Variants in KCNQ1 observed in about 807,000 individuals in gnomAD.
KCNQ1 encodes the protein potassium voltage-gated channel subfamily KQT member 1.
In KCNQ1, 49 loss-of-function variants were observed where a neutral mutation model predicts 72.4. The observed-to-expected ratio is 0.68, with a 90% CI of 0.54 to 0.86. KCNQ1 has a LOEUF of 0.86. KCNQ1 is among the 40% of genes least tolerant of loss of function. The pLI, the probability that KCNQ1 is intolerant of heterozygous loss-of-function variation, is 0.00. For missense variants in KCNQ1, 790 were observed against 945.1 expected, an observed-to-expected ratio of 0.84 and a Z score of 2.15; for synonymous variants, 450 against 412.6, an observed-to-expected ratio of 1.09 and a Z score of -1.10.
chr11:2,450,323 G>C lies in KCNQ1; in HGVS notation c.386+4839G>C, dbSNP rs1281712454. On this transcript the variant is annotated intron_variant, in intron 1 of 15. Coordinates refer to ENST00000155840, the MANE Select transcript of KCNQ1 (RefSeq NM_000218.3). The surrounding 1 kb of genome is among the most constrained non-coding windows in gnomAD (Gnocchi z 7.9). ...AGCAGATGCCCAAGACGAGTTGCTG[G>C]TGTGTGGCCAGTGCTGGGAGAGCAT... Among the ~76,000 whole-genome samples the C allele has an allele frequency of 6.6e-6, 1 of 152,228 alleles. No individual in the cohort carries two copies. Among genetic ancestry groups the C allele is most frequent in the Admixed American group, 6.5e-5 (1 of 15,290 alleles).
intron 11 of KCNQ1, among the ~76,000 whole-genome samples, chr11:2,721,330 C>T (rs890435092): frequency 6.6e-6 from 1 of 152,214 alleles, no homozygotes; most frequent in African/African-American, 2.4e-5. Flanking sequence ...CCCCGGGCCT[C>T]TGCAGCCTTT....
rs1454568876 is a variant in KCNQ1, at chr11:2,508,110, G to A, written c.387-19818G>A. On this transcript the variant is annotated intron_variant, in intron 1 of 15. Transcript: ENST00000155840. The surrounding 1 kb of genome is among the most constrained non-coding windows in gnomAD (Gnocchi z 6.2). ...CAGAGCTGGCCTGGGCCCCAGCAGG[G>A]GTCTGTGTTGCCTTGGCCCCACGGC... 6.6e-6 allele frequency among the ~76,000 whole-genome samples: 1 copy of A among 152,124 alleles called. No homozygotes were observed. Among genetic ancestry groups the A allele is most frequent in the East Asian group, 1.9e-4 (1 of 5,162 alleles).
At chr11:2,502,067 T>A (rs981210300) in intron 1 of KCNQ1, among the ~76,000 whole-genome samples, 4 of 152,210 alleles carry the variant, frequency 2.6e-5, no homozygotes, top group African/African-American at 7.2e-5. Flanking sequence ...AAGCCATATA[T>A]GACAGACCCA....
intron 11 of KCNQ1, chr11:2,699,983 G>A (rs183841991): frequency 2.3e-5 from 9 of 398,180 alleles, no homozygotes; most frequent in South Asian, 1.3e-4. Context: ...GAGGCGACGC[G>A]GCGACCGTTC....
intron 15 of KCNQ1, among the ~76,000 whole-genome samples, chr11:2,834,559 G>A (rs569506921): frequency 6.6e-6 from 1 of 152,290 alleles, no homozygotes; most frequent in South Asian, 2.1e-4. Context: ...ACCAGAGCTG[G>A]GCCCACCTGT....
chr11:2,648,677 G>A (rs1167690222), intron 10 of KCNQ1: 12 of 398,320 alleles, frequency 3.0e-5, no homozygotes, highest in South Asian at 1.3e-4. Context: ...ATTGAGACCC[G>A]TTTTGTGTCC....
intron 1 of KCNQ1, among the ~76,000 whole-genome samples, chr11:2,524,991 C>T (rs1564806382): frequency 6.6e-6 from 1 of 152,158 alleles, no homozygotes; most frequent in Admixed American, 6.5e-5. Context: ...CTGCTCACTG[C>T]AAATCAAAAC....
chr11:2,753,631 G>A (rs1846258617), intron 11 of KCNQ1, among the ~76,000 whole-genome samples: 1 of 152,126 alleles, frequency 6.6e-6, no homozygotes, highest in African/African-American at 2.4e-5. Context: ...GCAACTTCAC[G>A]ACTCTCTAAC....
Position 2,462,076 on chromosome 11 carries a change from A to G in KCNQ1, c.386+16592A>G, listed in dbSNP as rs1262143539. The G allele has an allele frequency of 1.0e-5, 3 of 294,252 alleles. No individual in the cohort carries two copies. Among genetic ancestry groups the G allele is most frequent in the Non-Finnish European group, 2.0e-5 (3 of 146,762 alleles). 18.2% of individuals were successfully genotyped at this position (294,252 alleles called of 1,614,324 possible). On this transcript the variant is annotated intron_variant, in intron 1 of 15. Transcript: ENST00000155840. This position sits in a 1 kb window ranked among gnomAD's most constrained non-coding sequence, Gnocchi z 8.2. Reference sequence around the variant, plus strand: ...CTGTCCAGAGATGAGACCCAGCCCCACTGTGTCTTTCTGGGATTCACAAGA... The same window carrying G: ...CTGTCCAGAGATGAGACCCAGCCCCGCTGTGTCTTTCTGGGATTCACAAGA...
rs963873771 is a variant in KCNQ1 at position 2,527,710 on chromosome 11, C to T, written c.387-218C>T. On this transcript the variant is annotated intron_variant, in intron 1 of 15. Transcript: ENST00000155840. ...TTTCTCGGACCCATCCACGTGGCAG[C>T]ATGTGTTGGTGCTTCGTCCCTTCCC... is the stretch of plus-strand genomic sequence containing the variant. Among the ~76,000 whole-genome samples the T allele has an allele frequency of 3.3e-5, 5 of 152,262 alleles. No individual in the cohort carries two copies. The East Asian group carries it at 7.7e-4, about 23-fold the overall frequency.
In KCNQ1 at chr11:2,673,345, T is replaced by G; in HGVS notation, c.1514+11264T>G. Reference sequence around the variant, plus strand: ...AGGCCAGCTTTTGGAAACAGTCTCATTAGCAAACAAAGGGAAGTGACAGAG... The same window carrying G: ...AGGCCAGCTTTTGGAAACAGTCTCAGTAGCAAACAAAGGGAAGTGACAGAG... On this transcript the variant is annotated intron_variant, in intron 11 of 15. Coordinates refer to ENST00000155840, the MANE Select transcript of KCNQ1 (RefSeq NM_000218.3). This position sits in a 1 kb window ranked among gnomAD's most constrained non-coding sequence, Gnocchi z 4.5. 2.5e-6 allele frequency: 1 copy of G among 398,732 alleles called. No individual in the cohort carries two copies. The highest frequency in any genetic ancestry group is 3.6e-5 in the East Asian group (1 of 28,076). 24.7% of individuals were successfully genotyped at this position (398,732 alleles called of 1,614,324 possible).
At position 2,556,805 on chromosome 11, in the gene KCNQ1, G is replaced by A. The variant is rs567054333; in HGVS notation, c.478-13823G>A. ...TAGAGAGTAGCAGACCTGGCTGTGAGTTTGAGGAACCAGTGAAATGAGAGT... is the reference window on the plus strand; with the variant it reads ...TAGAGAGTAGCAGACCTGGCTGTGAATTTGAGGAACCAGTGAAATGAGAGT... On this transcript the variant is annotated intron_variant, in intron 2 of 15. Coordinates refer to ENST00000155840, the MANE Select transcript of KCNQ1 (RefSeq NM_000218.3). Among the ~76,000 whole-genome samples the A allele has an allele frequency of 5.3e-5, 8 of 152,310 alleles. No homozygotes were observed. The East Asian group carries it at 9.6e-4, about 18-fold the overall frequency.
chr11:2,701,673 C>T (rs1466329132), intron 11 of KCNQ1, among the ~76,000 whole-genome samples: 1 of 152,202 alleles, frequency 6.6e-6, no homozygotes, highest in Non-Finnish European at 1.5e-5. Flanking sequence ...GGCTTTCCCA[C>T]CTTCCTGCCT....
At position 2,634,135 on chromosome 11, in the gene KCNQ1, A is replaced by T. The variant is rs192186920; in HGVS notation, c.1394-27826A>T. ...TATTTCGGTGAAGATTGTCTTTGGT[A>T]TTTTTTTTTTTTTAGATTTCTCTTT... On this transcript the variant is annotated intron_variant, in intron 10 of 15. Transcript: ENST00000155840. 673 of 382,496 alleles carry T rather than the reference A, an allele frequency of 1.8e-3. 1 individual carries two copies. The highest frequency in any genetic ancestry group is 3.0e-3 in the South Asian group (22 of 7,228). The allele number at this position is 382,496 out of a possible 1,614,324, so 23.7% of individuals were successfully genotyped here.
intron 15 of KCNQ1, among the ~76,000 whole-genome samples, chr11:2,837,561 C>T (rs755238446): frequency 3.6e-4 from 55 of 152,222 alleles, no homozygotes; most frequent in Admixed American, 5.9e-4. Flanking sequence ...GCCCTGCCCT[C>T]GGGGAGGCGG....
At chr11:2,583,610 C>T (rs1848539311) in intron 7 of KCNQ1, 65 bp downstream of exon 7, 18 of 1,105,242 alleles carry the variant, frequency 1.6e-5, no homozygotes, top group East Asian at 7.0e-5. Flanking sequence ...GGTGGCTGCA[C>T]GCCCCTCCCT....
chr11:2,740,459 C>T (rs1056075981), intron 11 of KCNQ1, among the ~76,000 whole-genome samples: 3 of 152,296 alleles, frequency 2.0e-5, no homozygotes, highest in East Asian at 3.9e-4. Flanking sequence ...CGAGGGACCC[C>T]GATGCAGCCC....
At chr11:2,773,914 C>A (rs1019552351) in intron 12 of KCNQ1, among the ~76,000 whole-genome samples, 1 of 151,720 alleles carries the variant, frequency 6.6e-6, no homozygotes. Flanking sequence ...GGCTCAGCAT[C>A]CCATCTTAAA....
At position 2,451,578 on chromosome 11, in the gene KCNQ1, C is replaced by G. The variant is rs1241205449; in HGVS notation, c.386+6094C>G. Among the ~76,000 whole-genome samples, 2 of 152,152 alleles carry G rather than the reference C, an allele frequency of 1.3e-5. No individual in the cohort carries two copies. The highest frequency in any genetic ancestry group is 6.5e-5 in the Admixed American group (1 of 15,284). On this transcript the variant is annotated intron_variant, in intron 1 of 15. Transcript: ENST00000155840. This position sits in a 1 kb window ranked among gnomAD's most constrained non-coding sequence, Gnocchi z 6.4. ...GGTGGATGGACCAGCAGAAAGGCTCCCAGGAGGGTCGTGGCTCCCTCATCG... is the reference window on the plus strand; with the variant it reads ...GGTGGATGGACCAGCAGAAAGGCTCGCAGGAGGGTCGTGGCTCCCTCATCG...
Sources: allele counts gnomAD v4.1 joint callset (sites outside exome capture counted in the v4.1 genomes callset), GRCh38; gene constraint gnomAD v4.1.1; non-coding constraint Gnocchi (gnomAD v3.1); transcripts MANE v1.5; gene names NCBI Gene and HGNC (gene_info 2026-07-23, HGNC 2026-07-21).